The following GPBP1 variants were observed in gnomAD, a reference collection of about 807,000 sequenced individuals.
GPBP1 encodes GC-rich promoter binding protein 1, also known as vasculin.
A neutral mutation model predicts 56.5 loss-of-function variants in GPBP1; 13 were observed. The observed-to-expected ratio is 0.23, with a 90% CI of 0.15 to 0.37. GPBP1 has a LOEUF of 0.37. GPBP1 is among the 10% of genes least tolerant of loss of function. The pLI is 1.00. For synonymous variants in GPBP1, 204 were observed against 188.9 expected (o/e 1.08, Z -0.66); for missense variants, 477 against 572.3 (o/e 0.83, Z 1.70).
intron 2 of GPBP1, among the ~76,000 whole-genome samples, chr5:57,178,230 A>C (rs1753882465): frequency 6.6e-6 from 1 of 152,112 alleles, no homozygotes; most frequent in Non-Finnish European, 1.5e-5. Context: ...AAAACTACAT[A>C]ATATTTATTA....
rs1276797262 is a variant in GPBP1, at chr5:57,247,136, C to T, written c.725C>T (p.Ser242Phe). The change falls in exon 8 of 12, where the codon TCC becomes TTC. Residue 242 changes from serine (S) to phenylalanine (F), a missense_variant. Physicochemically the swap from Ser to Phe is radical, Grantham distance 155 (BLOSUM62 -2). Coordinates refer to ENST00000506184, the MANE Select transcript of GPBP1 (RefSeq NM_022913.4). ...NKVGTSFPHE[S>F]TFGVGNFNAF... is the part of the protein sequence containing the mutation. ...GTTGGAACTTCTTTCCCTCATGAGTCCACATTTGGCGTTGGCAACTTTAAT... is the reference window on the plus strand; with the variant it reads ...GTTGGAACTTCTTTCCCTCATGAGTTCACATTTGGCGTTGGCAACTTTAAT... The T allele has an allele frequency of 1.4e-5, 23 of 1,613,460 alleles. No individual in the cohort carries two copies. Among genetic ancestry groups the T allele is most frequent in the Non-Finnish European group, 1.9e-5 (23 of 1,179,680 alleles).
At chr5:57,201,885 G>T (rs1210126009) in intron 2 of GPBP1, among the ~76,000 whole-genome samples, 1 of 152,138 alleles carries the variant, frequency 6.6e-6, no homozygotes, top group Non-Finnish European at 1.5e-5. Context: ...TGAGGTGGGG[G>T]TACCTGGGTT....
chr5:57,219,607 CTT>C (rs1252256448), intron 3 of GPBP1, among the ~76,000 whole-genome samples: 2 of 152,006 alleles, frequency 1.3e-5, no homozygotes. Context: ...CCGAGCTGCT[CTT>C]GTTTGTCTTT....
intron 2 of GPBP1, among the ~76,000 whole-genome samples, chr5:57,186,151 C>T (rs1031454882): frequency 6.6e-6 from 1 of 151,970 alleles, no homozygotes. Flanking sequence ...AATCTCAGTA[C>T]TTTAGGAGGC....
intron 3 of GPBP1, among the ~76,000 whole-genome samples, chr5:57,216,000 C>T (rs1284037861): frequency 6.6e-6 from 1 of 152,154 alleles, no homozygotes; most frequent in Non-Finnish European, 1.5e-5. Context: ...AGTCATTACT[C>T]CACGCGCTAG....
chr5:57,250,825 G>A, intron 9 of GPBP1, 129 bp from the exon 10 acceptor site: 1 of 633,232 alleles, frequency 1.6e-6, no homozygotes, highest in Non-Finnish European at 2.6e-6. Context: ...GATTACAGGG[G>A]TGAGCCACTG....
At chr5:57,243,672 G>C (rs1357734599) in intron 6 of GPBP1, among the ~76,000 whole-genome samples, 2 of 150,572 alleles carry the variant, frequency 1.3e-5, no homozygotes, top group African/African-American at 4.9e-5. Flanking sequence ...TGCCTATCTA[G>C]TTTTCATGTC....
At chr5:57,190,350 C>G (rs900240452) in intron 2 of GPBP1, among the ~76,000 whole-genome samples, 6 of 151,802 alleles carry the variant, frequency 4.0e-5, no homozygotes, top group Admixed American at 2.0e-4. Flanking sequence ...TTTGGGAGGC[C>G]GAGGCAGGTG....
intron 2 of GPBP1, among the ~76,000 whole-genome samples, chr5:57,200,972 C>G (rs927624108): frequency 1.3e-5 from 2 of 151,712 alleles, no homozygotes; most frequent in African/African-American, 4.8e-5. Flanking sequence ...GCCACCATGC[C>G]TGGCCCATGC....
chr5:57,219,800 C>T (rs892192443), intron 3 of GPBP1, among the ~76,000 whole-genome samples: 2 of 152,044 alleles, frequency 1.3e-5, no homozygotes. Flanking sequence ...TGCCTGTAAT[C>T]CCAGCACTTT....
At chr5:57,241,446 C>T (rs1740821659) in intron 6 of GPBP1, among the ~76,000 whole-genome samples, 1 of 152,066 alleles carries the variant, frequency 6.6e-6, no homozygotes, top group African/African-American at 2.4e-5. Context: ...AATTATAGGG[C>T]CAGGATTGGT....
intron 10 of GPBP1, among the ~76,000 whole-genome samples, chr5:57,260,695 A>T (rs1031041195): frequency 1.3e-5 from 2 of 152,170 alleles, no homozygotes; most frequent in African/African-American, 4.8e-5. Flanking sequence ...TTCATTTTTT[A>T]AAAACAAACC....
intron 3 of GPBP1, among the ~76,000 whole-genome samples, chr5:57,217,816 G>C (rs1755764443): frequency 6.6e-6 from 1 of 152,086 alleles, no homozygotes; most frequent in African/African-American, 2.4e-5. Flanking sequence ...CCAGGAGTTT[G>C]AGAACAGCCT....
intron 5 of GPBP1, among the ~76,000 whole-genome samples, chr5:57,235,415 T>C (rs941243299): frequency 5.4e-5 from 8 of 148,318 alleles, no homozygotes; most frequent in Non-Finnish European, 1.1e-4. Flanking sequence ...TTTCTTTTCT[T>C]TTTTTTTTTT....
At chr5:57,230,640 T>C (rs951117038) in intron 3 of GPBP1, 5 of 563,214 alleles carry the variant, frequency 8.9e-6, no homozygotes, top group Non-Finnish European at 1.6e-5. Flanking sequence ...TCTAAGCACA[T>C]GTGCTTGTTT....
chr5:57,178,810 TC>T (rs1248055869), intron 2 of GPBP1, among the ~76,000 whole-genome samples: 2 of 152,206 alleles, frequency 1.3e-5, no homozygotes, highest in African/African-American at 2.4e-5. Context: ...ACGCTGCTTT[TC>T]CCCAGAAGTT....
intron 6 of GPBP1, among the ~76,000 whole-genome samples, chr5:57,236,750 T>C (rs953815299): frequency 1.3e-5 from 2 of 152,166 alleles, no homozygotes; most frequent in Non-Finnish European, 2.9e-5. Context: ...AGATTTGACA[T>C]CTGAAAAATA....
In GPBP1 at chr5:57,250,922, CTTTTT is replaced by C. The variant is rs34533194; in HGVS notation, c.973-22_973-18del. On this transcript the variant is annotated intron_variant, in intron 9 of 11. Coordinates refer to ENST00000506184, the MANE Select transcript of GPBP1 (RefSeq NM_022913.4). ...ATAACTGTATTCTGTAGAACTCATT[CTTTTT>C]TTTTTTTTTAACTCTCTAAAAATCA... 9.1e-5 allele frequency: 107 copies of C among 1,173,000 alleles called. No individual in the cohort carries two copies. The East Asian group carries it at 2.7e-3, about 29-fold the overall frequency. The allele number at this position is 1,173,000 out of a possible 1,614,324, so 72.7% of individuals were successfully genotyped here.
In GPBP1 at chr5:57,176,249, A is replaced by T. The variant is rs1753783983; in HGVS notation, c.-209A>T. The T allele has an allele frequency of 2.7e-6, 1 of 373,938 alleles. No individual in the cohort carries two copies. The highest frequency in any genetic ancestry group is 4.7e-6 in the Non-Finnish European group (1 of 211,502). The allele number at this position is 373,938 out of a possible 1,614,324, so 23.2% of individuals were successfully genotyped here. ...TTTAAAACAGAAGTATGGGTAGCTG[A>T]CTTGAAGTAACTCTATGTCAAATAG... On this transcript the variant is annotated 5_prime_UTR_variant, in exon 2 of 12. The change abolishes the stop of an existing upstream ORF in the 5' untranslated region. Coordinates refer to ENST00000506184, the MANE Select transcript of GPBP1 (RefSeq NM_022913.4).
Sources: allele counts gnomAD v4.1 joint callset (sites outside exome capture counted in the v4.1 genomes callset), GRCh38; gene constraint gnomAD v4.1.1; transcripts MANE v1.5; gene names NCBI Gene and HGNC (gene_info 2026-07-23, HGNC 2026-07-21).